Variants in BTBD10 observed in about 807,000 individuals in gnomAD.
BTBD10 encodes the protein BTB/POZ domain-containing protein 10.
BTBD10 carries 21 observed loss-of-function variants against 53.2 expected under a neutral mutation model. The observed-to-expected ratio is 0.39, with a 90% CI of 0.28 to 0.57. The LOEUF (loss-of-function observed/expected upper bound fraction) is 0.57, where lower values mean the gene tolerates loss of function less well. Ranked by LOEUF, BTBD10 falls within the 20% of genes least tolerant of loss-of-function variation. The probability of loss-of-function intolerance (pLI) is 0.53; values close to 1 mark genes in which losing one functional copy is unlikely to be tolerated. For missense variants in BTBD10, 360 were observed against 594.7 expected, an observed-to-expected ratio of 0.61 and a Z score of 4.10; for synonymous variants, 149 against 192.7, an observed-to-expected ratio of 0.77 and a Z score of 1.88.
Position 13,417,264 on chromosome 11 carries a change from T to C in BTBD10, c.585-4A>G. 6.3e-7 allele frequency: 1 copy of C among 1,594,166 alleles called. No individual in the cohort carries two copies. Among genetic ancestry groups the C allele is most frequent in the Non-Finnish European group, 8.6e-7 (1 of 1,166,974 alleles). On this transcript the variant is annotated splice_polypyrimidine_tract_variant and splice_region_variant and intron_variant, in intron 4 of 8. Coordinates refer to ENST00000278174, the MANE Select transcript of BTBD10 (RefSeq NM_032320.7). ...TTCTCGGCCAGATCCAAACATCCTATGATAGTAAATAATTGAGAAATACGT... is the reference window on the plus strand; with the variant it reads ...TTCTCGGCCAGATCCAAACATCCTACGATAGTAAATAATTGAGAAATACGT...
At chr11:13,415,964 C>T (rs1185265886) in intron 5 of BTBD10, among the ~76,000 whole-genome samples, 1 of 149,946 alleles carries the variant, frequency 6.7e-6, no homozygotes, top group African/African-American at 2.5e-5. Flanking sequence ...CCTTATGAAC[C>T]AAAATCGCTG....
intron 1 of BTBD10, among the ~76,000 whole-genome samples, chr11:13,446,795 T>C (rs2134036930): frequency 6.6e-6 from 1 of 152,288 alleles, no homozygotes; most frequent in South Asian, 2.1e-4. Flanking sequence ...GTCATCTGAA[T>C]TTTAGATTAT....
In BTBD10 at chr11:13,423,810, T is replaced by C. The variant is rs145918993; in HGVS notation, c.102-1972A>G. Among the ~76,000 whole-genome samples the C allele has an allele frequency of 2.6e-5, 4 of 152,308 alleles. No homozygotes were observed. The East Asian group carries it at 5.8e-4, about 22-fold the overall frequency. On this transcript the variant is annotated intron_variant, in intron 2 of 8. Transcript: ENST00000278174. ...CAGAATACCAGGACAGAAGATAAAG[T>C]TGACTTTGTATTTATCCTGAAAGTT...
At position 13,388,669 on chromosome 11, in the gene BTBD10, A is replaced by C; in HGVS notation, c.*162T>G. 4.3e-6 allele frequency: 3 copies of C among 700,000 alleles called. No homozygotes were observed. The highest frequency in any genetic ancestry group is 2.3e-6 in the Non-Finnish European group (1 of 438,968). The allele number at this position is 700,000 out of a possible 1,614,324, so 43.4% of individuals were successfully genotyped here. On this transcript the variant is annotated 3_prime_UTR_variant, in exon 9 of 9. Transcript: ENST00000278174. ...TAGAGTTGTACTCATTTAAAAAAAA[A>C]CCATTCAGCTACCTTTGGTCTTTAA...
At chr11:13,390,638 CAT>C (rs1949384782) in intron 8 of BTBD10, among the ~76,000 whole-genome samples, 1 of 152,210 alleles carries the variant, frequency 6.6e-6, no homozygotes. Flanking sequence ...CGCCCAGCCA[CAT>C]GTGTATGTTT....
chr11:13,407,053 G>A (rs1949847604), intron 6 of BTBD10, among the ~76,000 whole-genome samples: 1 of 151,852 alleles, frequency 6.6e-6, no homozygotes, highest in South Asian at 2.1e-4. Context: ...ACCATCTTTT[G>A]GTCCTGATCT....
At chr11:13,440,861 T>C (rs1950636118) in intron 2 of BTBD10, among the ~76,000 whole-genome samples, 1 of 152,198 alleles carries the variant, frequency 6.6e-6, no homozygotes, top group Admixed American at 6.6e-5. Context: ...TTTAACCTTC[T>C]TATACAGAAA....
At chr11:13,443,447 T>C (rs1950698821) in intron 2 of BTBD10, among the ~76,000 whole-genome samples, 1 of 152,116 alleles carries the variant, frequency 6.6e-6, no homozygotes. Flanking sequence ...CTCTTCATTA[T>C]ATAGTGCAGT....
intron 1 of BTBD10, among the ~76,000 whole-genome samples, chr11:13,453,588 T>A (rs531188284): frequency 6.6e-6 from 1 of 152,332 alleles, no homozygotes; most frequent in East Asian, 1.9e-4. Flanking sequence ...TGTAAATTTT[T>A]TTGGATTGCT....
intron 1 of BTBD10, among the ~76,000 whole-genome samples, chr11:13,450,389 G>A (rs1267659698): frequency 1.3e-5 from 2 of 152,076 alleles, no homozygotes; most frequent in Admixed American, 6.6e-5. Context: ...TTGTACTAAC[G>A]ACAAAGAAGG....
chr11:13,450,528 A>T (rs540293705), intron 1 of BTBD10, among the ~76,000 whole-genome samples: 1 of 152,328 alleles, frequency 6.6e-6, no homozygotes, highest in South Asian at 2.1e-4. Context: ...TATGATATGG[A>T]TATAACCACC....
chr11:13,450,270 T>A (rs1049692623), intron 1 of BTBD10, among the ~76,000 whole-genome samples: 5 of 152,074 alleles, frequency 3.3e-5, no homozygotes, highest in African/African-American at 1.2e-4. Context: ...AAGATGACAT[T>A]CTCTATGTGG....
intron 3 of BTBD10, among the ~76,000 whole-genome samples, chr11:13,420,190 A>G (rs964128829): frequency 2.0e-5 from 3 of 152,200 alleles, no homozygotes; most frequent in African/African-American, 7.2e-5. Flanking sequence ...CTGAGAACAC[A>G]AAGTACAATC....
intron 2 of BTBD10, among the ~76,000 whole-genome samples, chr11:13,423,013 C>T (rs1372134616): frequency 6.6e-6 from 1 of 152,120 alleles, no homozygotes; most frequent in Non-Finnish European, 1.5e-5. Flanking sequence ...TATGTAACTA[C>T]TAAATGGGTA....
At chr11:13,391,204 T>C (rs1949397979) in intron 8 of BTBD10, among the ~76,000 whole-genome samples, 1 of 152,224 alleles carries the variant, frequency 6.6e-6, no homozygotes, top group African/African-American at 2.4e-5. Context: ...TACTGTCATC[T>C]ACTATCATGC....
intron 8 of BTBD10, among the ~76,000 whole-genome samples, chr11:13,400,074 T>G (rs1398181892): frequency 1.3e-5 from 2 of 152,230 alleles, no homozygotes; most frequent in Non-Finnish European, 2.9e-5. Context: ...TCTTCAAAGC[T>G]GTCAGACAGG....
intron 8 of BTBD10, among the ~76,000 whole-genome samples, chr11:13,390,258 A>C (rs1350391817): frequency 6.6e-6 from 1 of 152,234 alleles, no homozygotes; most frequent in African/African-American, 2.4e-5. Flanking sequence ...CTTGTAGGCC[A>C]CATGGTTTCT....
rs151062846 is a variant in BTBD10, at chr11:13,441,071, C to G, written c.101+3953G>C. Among the ~76,000 whole-genome samples the G allele has an allele frequency of 3.2e-3, 489 of 151,990 alleles. 4 individuals carry two copies. Among genetic ancestry groups the G allele is most frequent in the African/African-American group, 0.011 (447 of 41,450 alleles). On this transcript the variant is annotated intron_variant, in intron 2 of 8. Coordinates refer to ENST00000278174, the MANE Select transcript of BTBD10 (RefSeq NM_032320.7). Reference sequence around the variant, plus strand: ...TATATATAACTATACAACTACTCACCCAGAAACAAGTTGAGCAACTTATAA... The same window carrying G: ...TATATATAACTATACAACTACTCACGCAGAAACAAGTTGAGCAACTTATAA...
At chr11:13,412,653 T>A (rs1320593738) in intron 6 of BTBD10, among the ~76,000 whole-genome samples, 1 of 152,218 alleles carries the variant, frequency 6.6e-6, no homozygotes, top group African/African-American at 2.4e-5. Flanking sequence ...CTGGGCACTA[T>A]GGAAGATATA....
Sources: gnomAD v4.1 joint callset for allele counts (sites outside exome capture counted in the v4.1 genomes callset) on GRCh38, gnomAD v4.1.1 for gene constraint, MANE v1.5 for transcripts, NCBI Gene and HGNC (gene_info 2026-07-23, HGNC 2026-07-21) for gene names.